The following CUX2 variants were observed in gnomAD, a reference collection of about 807,000 sequenced individuals.
CUX2 encodes the protein homeobox protein cut-like 2.
CUX2 carries 40 observed loss-of-function variants against 144.8 expected under a neutral mutation model. The observed-to-expected ratio is 0.28, with a 90% CI of 0.21 to 0.36. CUX2 has a LOEUF of 0.36. Ranked by LOEUF, CUX2 falls within the 10% of genes least tolerant of loss-of-function variation. CUX2 has a pLI of 1.00. For synonymous variants in CUX2, 827 were observed against 875.6 expected (o/e 0.94, Z 0.98); for missense variants, 1,615 against 1,994.0 (o/e 0.81, Z 3.62).
chr12:111,195,838 C>CT lies in CUX2; in HGVS notation c.64-18354dup, dbSNP rs558047845. On this transcript the variant is annotated intron_variant, in intron 1 of 21. Transcript: ENST00000261726. Reference sequence around the variant, plus strand: ...CCTAGCTTCCCCTACCTCCTCATTTCTTTTTTTTCCAGCAGCTTTATTGAG... The same window carrying CT: ...CCTAGCTTCCCCTACCTCCTCATTTCTTTTTTTTTCCAGCAGCTTTATTGAG... Among the ~76,000 whole-genome samples, 301 of 152,158 alleles carry CT rather than the reference C, an allele frequency of 2.0e-3. 4 individuals carry two copies. The highest frequency in any genetic ancestry group is 7.1e-3 in the African/African-American group (294 of 41,508).
At chr12:111,158,073 G>A (rs1286159487) in intron 1 of CUX2, among the ~76,000 whole-genome samples, 1 of 152,160 alleles carries the variant, frequency 6.6e-6, no homozygotes, top group African/African-American at 2.4e-5. Context: ...ACGCAATCAG[G>A]AAGGTTCAAA....
chr12:111,341,440 G>A (rs1298561419), intron 20 of CUX2, among the ~76,000 whole-genome samples: 1 of 152,240 alleles, frequency 6.6e-6, no homozygotes, highest in African/African-American at 2.4e-5. Flanking sequence ...CAGGCTGGGT[G>A]ACAGCGTGAG....
In CUX2 at chr12:111,307,985, C is replaced by T. The variant is rs1213300313; in HGVS notation, c.1110-300C>T. ...CCATCTCAAAGAAAAAAAGAAGCTG[C>T]CTGTAGACCATACAAGGGAACTTAT... On this transcript the variant is annotated intron_variant, in intron 12 of 21. Transcript: ENST00000261726. This position sits in a 1 kb window ranked among gnomAD's most constrained non-coding sequence, Gnocchi z 4.1. Among the ~76,000 whole-genome samples the T allele has an allele frequency of 6.6e-6, 1 of 152,076 alleles. No homozygotes were observed. The highest frequency in any genetic ancestry group is 1.5e-5 in the Non-Finnish European group (1 of 68,006).
rs905585709 is a variant in CUX2, at chr12:111,034,727, AGAGGAG to A, written c.63+500_63+505del. On this transcript the variant is annotated intron_variant, in intron 1 of 21. Coordinates refer to ENST00000261726, the MANE Select transcript of CUX2 (RefSeq NM_015267.4). This position sits in a 1 kb window ranked among gnomAD's most constrained non-coding sequence, Gnocchi z 4.2. ...CTGGCGGGCAGGGAGGAGGAGGAGG[AGAGGAG>A]GAGGAGGAGGAGAGAGGAGGAGGGA... 1.3e-5 allele frequency among the ~76,000 whole-genome samples: 2 copies of A among 150,270 alleles called. No individual in the cohort carries two copies. Among genetic ancestry groups the A allele is most frequent in the Admixed American group, 6.6e-5 (1 of 15,144 alleles).
intron 1 of CUX2, among the ~76,000 whole-genome samples, chr12:111,085,135 A>G (rs1259733389): frequency 6.6e-6 from 1 of 152,178 alleles, no homozygotes; most frequent in Non-Finnish European, 1.5e-5. Flanking sequence ...ATGGTGAAGG[A>G]AAGGAAAGTA....
chr12:111,197,573 C>G (rs1383049057), intron 1 of CUX2, among the ~76,000 whole-genome samples: 2 of 152,158 alleles, frequency 1.3e-5, no homozygotes, highest in African/African-American at 4.8e-5. Flanking sequence ...CTGGAGAAAA[C>G]AACACCCTCC....
At chr12:111,268,121 T>C (rs1380150761) in intron 4 of CUX2, among the ~76,000 whole-genome samples, 1 of 152,150 alleles carries the variant, frequency 6.6e-6, no homozygotes, top group Non-Finnish European at 1.5e-5. Context: ...ATGACACTTG[T>C]CATTAGATTT....
chr12:111,196,627 T>G (rs2136202039), intron 1 of CUX2, among the ~76,000 whole-genome samples: 2 of 152,304 alleles, frequency 1.3e-5, no homozygotes, highest in South Asian at 4.1e-4. Context: ...TCAGGTGTTC[T>G]AAAACAGCAC....
At chr12:111,161,026 G>A (rs1189442664) in intron 1 of CUX2, among the ~76,000 whole-genome samples, 2 of 152,328 alleles carry the variant, frequency 1.3e-5, no homozygotes, top group East Asian at 3.9e-4. Flanking sequence ...CAGTGGGTGG[G>A]TGGTGGAGCT....
chr12:111,180,152 C>T (rs915710871), intron 1 of CUX2, among the ~76,000 whole-genome samples: 1 of 151,242 alleles, frequency 6.6e-6, no homozygotes, highest in South Asian at 2.1e-4. Flanking sequence ...TCCCTCCTCA[C>T]CTTGGACAAC....
intron 1 of CUX2, among the ~76,000 whole-genome samples, chr12:111,198,716 G>T (rs1310327328): frequency 6.6e-6 from 1 of 152,242 alleles, no homozygotes; most frequent in East Asian, 1.9e-4. Context: ...GCCAGCGAGG[G>T]CCCTGCTGAG....
intron 13 of CUX2, 47 bp downstream of exon 13, chr12:111,308,380 G>C: frequency 6.2e-7 from 1 of 1,613,998 alleles, no homozygotes; most frequent in African/African-American, 1.3e-5. Flanking sequence ...GCCCCAGTGA[G>C]CCTTCCGCCC....
At chr12:111,123,502 T>C (rs987518587) in intron 1 of CUX2, among the ~76,000 whole-genome samples, 20 of 147,898 alleles carry the variant, frequency 1.4e-4, no homozygotes, top group African/African-American at 5.0e-4. Flanking sequence ...GCACTTTGTA[T>C]GTGTTGGATC....
chr12:111,088,843 G>A (rs75095300), intron 1 of CUX2, among the ~76,000 whole-genome samples: 2 of 152,280 alleles, frequency 1.3e-5, no homozygotes, highest in African/African-American at 2.4e-5. Context: ...ATGTCCGACC[G>A]GGCAGCTGGG....
chr12:111,285,802 G>A (rs531930771), intron 4 of CUX2, among the ~76,000 whole-genome samples: 8 of 152,346 alleles, frequency 5.3e-5, no homozygotes, highest in African/African-American at 1.2e-4. Context: ...TTAGGACTCC[G>A]TTGCAGCCCG....
At chr12:111,163,106 G>T (rs982024575) in intron 1 of CUX2, among the ~76,000 whole-genome samples, 9 of 151,322 alleles carry the variant, frequency 5.9e-5, no homozygotes, top group African/African-American at 2.2e-4. Flanking sequence ...CAGCTCTGCT[G>T]CTGACTGGCT....
intron 1 of CUX2, among the ~76,000 whole-genome samples, chr12:111,049,002 C>A (rs754253165): frequency 6.6e-6 from 1 of 152,148 alleles, no homozygotes; most frequent in African/African-American, 2.4e-5. Flanking sequence ...TCTACTCATT[C>A]ATAAATCTGC....
Position 111,348,424 on chromosome 12 carries a change from C to A in CUX2, c.*99C>A. 8.8e-7 allele frequency: 1 copy of A among 1,134,836 alleles called. No individual in the cohort carries two copies. Among genetic ancestry groups the A allele is most frequent in the Non-Finnish European group, 1.3e-6 (1 of 796,712 alleles). 70.3% of individuals were successfully genotyped at this position (1,134,836 alleles called of 1,614,324 possible). A position where few individuals can be genotyped will look rare whatever the true frequency, so the allele number is the denominator to read the frequency against. On this transcript the variant is annotated 3_prime_UTR_variant, in exon 22 of 22. Coordinates refer to ENST00000261726, the MANE Select transcript of CUX2 (RefSeq NM_015267.4). Reference sequence around the variant, plus strand: ...GGGGTAAGGGAGGGAGGAACTCAACCATCAAAATGTGGACAGCAATGTTAT... The same window carrying A: ...GGGGTAAGGGAGGGAGGAACTCAACAATCAAAATGTGGACAGCAATGTTAT...
At chr12:111,250,041 C>G (rs1036165734) in intron 3 of CUX2, among the ~76,000 whole-genome samples, 1 of 151,998 alleles carries the variant, frequency 6.6e-6, no homozygotes, top group African/African-American at 2.4e-5. Context: ...TCACATAGGA[C>G]GGTGTCACTG....
Sources: gnomAD v4.1 joint callset for allele counts (sites outside exome capture counted in the v4.1 genomes callset) on GRCh38, gnomAD v4.1.1 for gene constraint, Gnocchi (gnomAD v3.1) non-coding constraint, MANE v1.5 for transcripts, NCBI Gene and HGNC (gene_info 2026-07-23, HGNC 2026-07-21) for gene names.